Variants in ATG4D observed in about 807,000 individuals in gnomAD.
The protein encoded by ATG4D is cysteine protease ATG4D.
In ATG4D, 51 loss-of-function variants were observed where a neutral mutation model predicts 55.2. That is an observed-to-expected ratio of 0.92 (90% CI 0.74 to 1.17). The LOEUF (loss-of-function observed/expected upper bound fraction) is 1.17, where lower values mean the gene tolerates loss of function less well. ATG4D is among the 50% of genes most tolerant of loss of function. ATG4D has a pLI of 0.00. For missense variants in ATG4D, 635 were observed against 649.6 expected (o/e 0.98, Z 0.25); for synonymous variants, 268 against 266.2 (o/e 1.01, Z -0.07).
chr19:10,552,739 A>G, intron 9 of ATG4D, 146 bp from the exon 10 acceptor site: 1 of 874,288 alleles, frequency 1.1e-6, no homozygotes, highest in East Asian at 2.5e-5. Flanking sequence ...TGGCTGAGCC[A>G]ATCACTGTGG....
intron 6 of ATG4D, 26 bp downstream of exon 6, chr19:10,549,060 C>A: frequency 6.2e-7 from 1 of 1,613,336 alleles, no homozygotes; most frequent in Non-Finnish European, 8.5e-7. Context: ...TTCTAGGACA[C>A]CTCCACCTGG....
At chr19:10,547,848 C>A (rs1321084324) in intron 5 of ATG4D, among the ~76,000 whole-genome samples, 1 of 149,452 alleles carries the variant, frequency 6.7e-6, no homozygotes, top group Non-Finnish European at 1.5e-5. Flanking sequence ...AGGCACGCAC[C>A]ACCATACCAG....
intron 6 of ATG4D, among the ~76,000 whole-genome samples, chr19:10,549,715 G>C (rs920887923): frequency 2.6e-5 from 4 of 152,044 alleles, no homozygotes; most frequent in African/African-American, 9.7e-5. Context: ...CACCACGCCC[G>C]GCCCATCCCT....
intron 5 of ATG4D, 44 bp from the exon 6 acceptor site, chr19:10,548,860 G>A: frequency 6.2e-7 from 1 of 1,604,122 alleles, no homozygotes; most frequent in Non-Finnish European, 8.5e-7. Flanking sequence ...GCTGGGGCTT[G>A]AAGGGTGGCA....
intron 6 of ATG4D, 61 bp from the exon 7 acceptor site, chr19:10,551,836 T>G: frequency 6.6e-7 from 1 of 1,524,348 alleles, no homozygotes. Context: ...ACAGAGGAGG[T>G]GTTTGCCAAG....
Position 10,546,907 on chromosome 19 carries a change from T to C in ATG4D, c.562T>C (p.Tyr188His), listed in dbSNP as rs1916048508. 1.2e-6 allele frequency: 2 copies of C among 1,611,626 alleles called. No homozygotes were observed. Among genetic ancestry groups the C allele is most frequent in the African/African-American group, 2.7e-5 (2 of 74,908 alleles). The part of the protein sequence containing the change: ...ELSGSASPSR[Y>H]HGPARWMPPR... Reference sequence around the variant, plus strand: ...GTCAGGGTCAGCCTCTCCCAGCCGGTACCATGGGCCTGCCCGCTGGATGCC... The same window carrying C: ...GTCAGGGTCAGCCTCTCCCAGCCGGCACCATGGGCCTGCCCGCTGGATGCC... Residue 188 changes from tyrosine to histidine, a missense_variant, in exon 4 of 10, where the codon TAC (tyrosine) becomes CAC (histidine). Coordinates refer to ENST00000309469, the MANE Select transcript of ATG4D (RefSeq NM_032885.6).
rs1180452740 is a variant in ATG4D at position 10,544,784 on chromosome 19, T to C, written c.237T>C (p.Gly79=). 6.2e-7 allele frequency: 1 copy of C among 1,613,842 alleles called. No homozygotes were observed. Among genetic ancestry groups the C allele is most frequent in the East Asian group, 2.2e-5 (1 of 44,874 alleles). ...FLTAWNNVKY[G]WVVKSRTSFS... is the part of the protein sequence containing the mutation. Reference sequence around the variant, plus strand: ...GGCGCTGCCCCTACGTCTCCCCAGGTTGGGTGGTTAAAAGCCGGACCAGCT... The same window carrying C: ...GGCGCTGCCCCTACGTCTCCCCAGGCTGGGTGGTTAAAAGCCGGACCAGCT... Residue 79 remains glycine (G), a splice_region_variant and synonymous_variant, in exon 2 of 10, where the codon GGT becomes GGC. Transcript: ENST00000309469.
In ATG4D at chr19:10,546,976, C is replaced by G. The variant is rs541334711; in HGVS notation, c.631C>G (p.Arg211Gly). Reference sequence around the variant, plus strand: ...TGCCCCTGAGCTGGAGCAGGAACGCCGGCACCGGCAGATTGTGTCCTGGTT... The same window carrying G: ...TGCCCCTGAGCTGGAGCAGGAACGCGGGCACCGGCAGATTGTGTCCTGGTT... The part of the protein sequence containing the change: ...QGAPELEQER[R>G]HRQIVSWFAD... Residue 211 changes from arginine to glycine, a missense_variant, in exon 4 of 10, where the codon CGG becomes GGG. Coordinates refer to ENST00000309469, the MANE Select transcript of ATG4D (RefSeq NM_032885.6). The G allele has an allele frequency of 6.2e-7, 1 of 1,604,948 alleles. No homozygotes were observed. The highest frequency in any genetic ancestry group is 1.7e-5 in the Admixed American group (1 of 57,994).
chr19:10,544,927 T>C, intron 2 of ATG4D, 30 bp from the exon 3 acceptor site: 1 of 1,582,808 alleles, frequency 6.3e-7, no homozygotes, highest in Non-Finnish European at 8.6e-7. Flanking sequence ...GGAGTGTCCC[T>C]GGTGGCAGCT....
chr19:10,551,881 A>C lies in ATG4D; in HGVS notation c.967-16A>C. 1.2e-6 allele frequency: 2 copies of C among 1,613,112 alleles called. No individual in the cohort carries two copies. Among genetic ancestry groups the C allele is most frequent in the Non-Finnish European group, 1.7e-6 (2 of 1,179,716 alleles). ...AGTGGCTGCCTGACAGCACCTGCCT[A>C]CCCTCCTCCCTGCAGGAACTCCTGC... On this transcript the variant is annotated splice_polypyrimidine_tract_variant and intron_variant, in intron 6 of 9. Coordinates refer to ENST00000309469, the MANE Select transcript of ATG4D (RefSeq NM_032885.6).
At chr19:10,552,375 TG>T in intron 9 of ATG4D, 51 bp downstream of exon 9, 1 of 1,563,492 alleles carries the variant, frequency 6.4e-7, no homozygotes. Context: ...TGGGCAGGGC[TG>T]GGGGTGAAAG....
intron 5 of ATG4D, among the ~76,000 whole-genome samples, chr19:10,548,094 A>T (rs1404682095): frequency 3.6e-5 from 4 of 112,402 alleles, no homozygotes; most frequent in African/African-American, 1.4e-4. Flanking sequence ...GCAGTGGCAC[A>T]GTCTTGGCTC....
In ATG4D at chr19:10,544,817, G is replaced by A; in HGVS notation, c.270G>A (p.Lys90=). Residue 90 remains lysine, a synonymous_variant, in exon 2 of 10, where the codon AAG becomes AAA. Coordinates refer to ENST00000309469, the MANE Select transcript of ATG4D (RefSeq NM_032885.6). ...WVVKSRTSFS[K]ISSIHLCGRR... ...TTAAAAGCCGGACCAGCTTTAGCAA[G>A]ATCTCCAGCATCCACCTCTGTGGCC... 6 of 1,614,152 alleles carry A rather than the reference G, an allele frequency of 3.7e-6. No individual in the cohort carries two copies. The highest frequency in any genetic ancestry group is 5.1e-6 in the Non-Finnish European group (6 of 1,179,992).
chr19:10,546,533 T>A (rs924002456), intron 3 of ATG4D, among the ~76,000 whole-genome samples: 11 of 151,390 alleles, frequency 7.3e-5, no homozygotes, highest in Admixed American at 2.6e-4. Flanking sequence ...TTTTTTTTTT[T>A]ATCAGAGAAG....
chr19:10,544,020 G>A lies in ATG4D; in HGVS notation c.-71G>A. The A allele has an allele frequency of 1.8e-6, 2 of 1,091,526 alleles. No individual in the cohort carries two copies. The highest frequency in any genetic ancestry group is 2.3e-6 in the Non-Finnish European group (2 of 862,622). The allele number at this position is 1,091,526 out of a possible 1,614,324, so 67.6% of individuals were successfully genotyped here. On this transcript the variant is annotated 5_prime_UTR_variant, in exon 1 of 10. Transcript: ENST00000309469. ...CTTCCCCGGGCCCCGTGAACCGGCTGCGGGTCGCCCTTGGGGGGCAGCGGC... is the reference window on the plus strand; with the variant it reads ...CTTCCCCGGGCCCCGTGAACCGGCTACGGGTCGCCCTTGGGGGGCAGCGGC...
rs759459453 is a variant in ATG4D, at chr19:10,546,944, C to T, written c.599C>T (p.Ala200Val). The T allele has an allele frequency of 1.2e-6, 2 of 1,611,790 alleles. No homozygotes were observed. Among genetic ancestry groups the T allele is most frequent in the Non-Finnish European group, 1.7e-6 (2 of 1,179,382 alleles). Residue 200 changes from alanine to valine, a missense_variant, in exon 4 of 10, where the codon GCC (alanine) becomes GTC (valine). By Grantham distance (64) the Ala-to-Val change is moderately conservative (BLOSUM62 0). Coordinates refer to ENST00000309469, the MANE Select transcript of ATG4D (RefSeq NM_032885.6). Reference protein sequence around the residue: ...GPARWMPPRWAQGAPELEQER... With the variant: ...GPARWMPPRWVQGAPELEQER... ...GCCCGCTGGATGCCCCCACGCTGGGCCCAGGGTGCCCCTGAGCTGGAGCAG... is the reference window on the plus strand; with the variant it reads ...GCCCGCTGGATGCCCCCACGCTGGGTCCAGGGTGCCCCTGAGCTGGAGCAG...
rs780044450 is a variant in ATG4D at position 10,552,067 on chromosome 19, C to T, written c.1068C>T (p.Asp356=). 3.1e-6 allele frequency: 5 copies of T among 1,611,662 alleles called. No homozygotes were observed. Among genetic ancestry groups the T allele is most frequent in the Non-Finnish European group, 4.2e-6 (5 of 1,179,894 alleles). Residue 356 remains aspartate (D), a synonymous_variant, in exon 8 of 10, where the codon GAC becomes GAT. Transcript: ENST00000309469. ...GYQDDFLLYL[D]PHYCQPTVDV... ...CAGATGACTTCCTGCTGTACCTGGA[C>T]CCTCACTACTGCCAGCCCACTGTGG...
intron 3 of ATG4D, 52 bp from the exon 4 acceptor site, chr19:10,546,787 C>T: frequency 6.6e-7 from 1 of 1,505,690 alleles, no homozygotes. Context: ...GTAGATGGGA[C>T]CTCTGCCCCC....
At chr19:10,550,708 CTTTT>C (rs34184188) in intron 6 of ATG4D, among the ~76,000 whole-genome samples, 1 of 100,070 alleles carries the variant, frequency 1.0e-5, no homozygotes, top group Non-Finnish European at 2.0e-5. Flanking sequence ...ATGCATGTGG[CTTTT>C]TTTTTTTTTT....
Sources: gnomAD v4.1 joint callset for allele counts (sites outside exome capture counted in the v4.1 genomes callset) on GRCh38, gnomAD v4.1.1 for gene constraint, MANE v1.5 for transcripts, NCBI Gene and HGNC (gene_info 2026-07-23, HGNC 2026-07-21) for gene names.